Variants in PCDH15 observed in about 807,000 individuals in gnomAD.
The protein encoded by PCDH15 is protocadherin-15.
A neutral mutation model predicts 178.5 loss-of-function variants in PCDH15; 129 were observed. That is an observed-to-expected ratio of 0.72 (90% CI 0.63 to 0.84). The LOEUF (loss-of-function observed/expected upper bound fraction) is 0.84, where lower values mean the gene tolerates loss of function less well. PCDH15 is among the 40% of genes least tolerant of loss of function. The pLI, the probability that PCDH15 is intolerant of heterozygous loss-of-function variation, is 0.00. For synonymous variants in PCDH15, 800 were observed against 732.0 expected, an observed-to-expected ratio of 1.09 and a Z score of -1.50; for missense variants, 2,230 against 2,099.9, an observed-to-expected ratio of 1.06 and a Z score of -1.21.
rs1007254010 is a variant in PCDH15 at position 54,151,735 on chromosome 10, T to C, written c.1784+1365A>G. Among the ~76,000 whole-genome samples the C allele has an allele frequency of 3.3e-5, 5 of 152,218 alleles. No homozygotes were observed. The South Asian group carries it at 8.3e-4, about 25-fold the overall frequency. ...AAGATTCAACATCAAACATATATAA[T>C]ATATTCCTAAGTAATTAATATATAA... On this transcript the variant is annotated intron_variant, in intron 14 of 37. Coordinates refer to ENST00000644397, the MANE Select transcript of PCDH15 (RefSeq NM_001384140.1).
chr10:53,975,533 T>C (rs1254512857), intron 21 of PCDH15, among the ~76,000 whole-genome samples: 1 of 152,192 alleles, frequency 6.6e-6, no homozygotes, highest in Non-Finnish European at 1.5e-5. Context: ...TGATTATTAG[T>C]GATGAACATT....
chr10:54,117,979 C>G (rs1202157480), intron 15 of PCDH15, among the ~76,000 whole-genome samples: 1 of 152,182 alleles, frequency 6.6e-6, no homozygotes, highest in Non-Finnish European at 1.5e-5. Context: ...GAACTGACAG[C>G]TGGGCCCCCA....
At chr10:53,995,495 C>T in intron 21 of PCDH15, 154 bp downstream of exon 21, 2 of 1,362,784 alleles carry the variant, frequency 1.5e-6, no homozygotes, top group Non-Finnish European at 2.0e-6. Flanking sequence ...TGCTCTGTAC[C>T]TGTGGATGAA....
rs149427615 is a variant in PCDH15, at chr10:54,632,463, G to A, written c.91+31709C>T. 7.9e-5 allele frequency among the ~76,000 whole-genome samples: 12 copies of A among 152,014 alleles called. No homozygotes were observed. The East Asian group carries it at 9.7e-4, about 12-fold the overall frequency. On this transcript the variant is annotated intron_variant, in intron 2 of 37. Transcript: ENST00000644397. ...AAAACATAAAATAAAATAAATCTTC[G>A]ATTGGCATGATAAATGTTAAAAATT... is the stretch of plus-strand genomic sequence containing the variant.
chr10:53,820,607 G>A (rs1014654239), intron 32 of PCDH15, among the ~76,000 whole-genome samples: 2 of 151,942 alleles, frequency 1.3e-5, no homozygotes, highest in African/African-American at 4.8e-5. Flanking sequence ...ACACTTACAT[G>A]TGCATTCAAA....
intron 2 of PCDH15, among the ~76,000 whole-genome samples, chr10:55,111,704 G>A (rs550296242): frequency 1.6e-4 from 25 of 152,066 alleles, no homozygotes; most frequent in Admixed American, 5.9e-4. Context: ...TTAGCCAGGC[G>A]TGGTGGTGCA....
intron 3 of PCDH15, among the ~76,000 whole-genome samples, chr10:54,854,273 G>C (rs1311286417): frequency 6.6e-6 from 1 of 152,154 alleles, no homozygotes; most frequent in Non-Finnish European, 1.5e-5. Flanking sequence ...GGGAGTCACA[G>C]CCCTGACTCA....
intron 3 of PCDH15, among the ~76,000 whole-genome samples, chr10:54,379,167 G>T (rs775553434): frequency 1.3e-5 from 2 of 151,988 alleles, no homozygotes; most frequent in African/African-American, 2.4e-5. Context: ...ATACAGACAT[G>T]GTGAGTTCCA....
At chr10:55,368,511 G>T (rs183396293) in intron 2 of PCDH15, among the ~76,000 whole-genome samples, 158 of 152,196 alleles carry the variant, frequency 1.0e-3, no homozygotes, top group African/African-American at 3.6e-3. Flanking sequence ...AAGTTTGATT[G>T]CTCTATCTGT....
chr10:54,391,964 T>C (rs1238099068), intron 3 of PCDH15, among the ~76,000 whole-genome samples: 1 of 152,186 alleles, frequency 6.6e-6, no homozygotes, highest in Non-Finnish European at 1.5e-5. Context: ...CTTAAGTGAT[T>C]GGCTTAGGAA....
rs187346150 is a variant in PCDH15, at chr10:54,953,445, C to T, written c.-79-55945G>A. ...AGTATTTTGTTGAGAGTACAAGTTT[C>T]TGAACAGGAATTTATTTCCCGGTTT... On this transcript the variant is annotated intron_variant, in intron 2 of 5. Transcript: ENST00000458638. Among the ~76,000 whole-genome samples, 1,140 of 151,430 alleles carry T rather than the reference C, an allele frequency of 7.5e-3. 16 individuals carry two copies. The highest frequency in any genetic ancestry group is 0.026 in the African/African-American group (1,087 of 41,428).
chr10:55,254,420 T>G (rs975009000), intron 1 of PCDH15, among the ~76,000 whole-genome samples: 4 of 152,160 alleles, frequency 2.6e-5, no homozygotes, highest in Admixed American at 2.6e-4. Context: ...ATCTAGAACC[T>G]TTGACCCAAA....
At chr10:54,232,639 T>C (rs1253474715) in intron 9 of PCDH15, among the ~76,000 whole-genome samples, 2 of 152,188 alleles carry the variant, frequency 1.3e-5, no homozygotes, top group Non-Finnish European at 1.5e-5. Flanking sequence ...AATTTGTCCA[T>C]TGCATCCATT....
chr10:55,347,282 G>T (rs1414827722), intron 2 of PCDH15, among the ~76,000 whole-genome samples: 1 of 151,944 alleles, frequency 6.6e-6, no homozygotes, highest in African/African-American at 2.4e-5. Flanking sequence ...AAAGGGGAAG[G>T]CAGTTTACTT....
At chr10:53,884,017 G>A (rs1169333657) in intron 26 of PCDH15, among the ~76,000 whole-genome samples, 1 of 94,468 alleles carries the variant, frequency 1.1e-5, no homozygotes, top group Non-Finnish European at 2.4e-5. Context: ...TGCCTGGCCT[G>A]TTTTTGTAAA....
At chr10:55,091,073 C>G (rs563010631) in intron 2 of PCDH15, among the ~76,000 whole-genome samples, 2 of 151,792 alleles carry the variant, frequency 1.3e-5, no homozygotes, top group South Asian at 4.1e-4. Flanking sequence ...ATGCAAAAGA[C>G]AGTTTTAAAA....
rs190001277 is a variant in PCDH15 at position 54,565,622 on chromosome 10, C to T, written c.92-37745G>A. On this transcript the variant is annotated intron_variant, in intron 2 of 37. Transcript: ENST00000644397. ...TCTGGAAAGAGCATGCTGTTACTTT[C>T]TGGAATTATGAAAATATTTTATTCC... 2.4e-3 allele frequency among the ~76,000 whole-genome samples: 372 copies of T among 152,278 alleles called. 1 individual carries two copies. The highest frequency in any genetic ancestry group is 2.5e-3 in the Non-Finnish European group (170 of 68,028).
intron 2 of PCDH15, among the ~76,000 whole-genome samples, chr10:55,582,614 A>T (rs1368506214): frequency 7.9e-4 from 70 of 88,672 alleles, no homozygotes; most frequent in Middle Eastern, 5.0e-3. Context: ...ATATATATAT[A>T]TATATATATA....
intron 2 of PCDH15, among the ~76,000 whole-genome samples, chr10:55,535,068 A>G (rs10763217): frequency 0.75 from 113,469 of 151,936 alleles, 43,278 homozygotes; most frequent in East Asian, 0.99. Flanking sequence ...GGAGGAACGG[A>G]GAAAGCATGG....
Sources: gnomAD v4.1 joint callset for allele counts (sites outside exome capture counted in the v4.1 genomes callset) on GRCh38, gnomAD v4.1.1 for gene constraint, MANE v1.5 for transcripts, NCBI Gene and HGNC (gene_info 2026-07-23, HGNC 2026-07-21) for gene names.